TESC: variants seen among roughly 807,000 people sequenced by gnomAD.
TESC encodes calcineurin B homologous protein 3.
Under a neutral mutation model 31.0 loss-of-function variants are expected in TESC, and 19 were observed. That is an observed-to-expected ratio of 0.61 (90% CI 0.43 to 0.90). The LOEUF is 0.90. Ranked by LOEUF, TESC falls within the 40% of genes least tolerant of loss-of-function variation. The pLI, the probability that TESC is intolerant of heterozygous loss-of-function variation, is 0.00. For missense variants in TESC, 248 were observed against 303.8 expected (o/e 0.82, Z 1.36); for synonymous variants, 109 against 114.8 (o/e 0.95, Z 0.32).
At chr12:117,090,119 C>T (rs559092917) in intron 1 of TESC, among the ~76,000 whole-genome samples, 1 of 150,684 alleles carries the variant, frequency 6.6e-6, no homozygotes, top group South Asian at 2.1e-4. Context: ...TGCAAAATAA[C>T]AATATTTCCA....
intron 2 of TESC, among the ~76,000 whole-genome samples, chr12:117,066,200 C>CTTTTTTTTTTTTTTTTTTTTTTT (rs58829406): frequency 4.8e-5 from 3 of 62,964 alleles, no homozygotes; most frequent in African/African-American, 8.5e-5. Flanking sequence ...CTTCCTTTAG[C>CTTTTTTTTTTTTTTTTTTTTTTT]TTTTTTTTTT....
At chr12:117,072,761 A>G (rs1405080865) in intron 2 of TESC, among the ~76,000 whole-genome samples, 2 of 152,168 alleles carry the variant, frequency 1.3e-5, no homozygotes, top group Non-Finnish European at 2.9e-5. Flanking sequence ...GGTACCAAGC[A>G]CCTGGCGCAG....
chr12:117,076,743 C>T (rs1201147102), intron 1 of TESC, among the ~76,000 whole-genome samples: 2 of 152,174 alleles, frequency 1.3e-5, no homozygotes, highest in African/African-American at 2.4e-5. Context: ...CACGCCCGGC[C>T]GTTATCTCAG....
chr12:117,082,603 A>C (rs998336968), intron 1 of TESC, among the ~76,000 whole-genome samples: 1 of 152,180 alleles, frequency 6.6e-6, no homozygotes, highest in East Asian at 1.9e-4. Flanking sequence ...AGCCTTTATA[A>C]ATATTTTTTG....
intron 1 of TESC, among the ~76,000 whole-genome samples, chr12:117,098,838 C>CGA (rs1955431455): frequency 6.6e-6 from 1 of 152,148 alleles, no homozygotes; most frequent in Non-Finnish European, 1.5e-5. Flanking sequence ...TTTCCGCTCT[C>CGA]GCGCTCACGA....
chr12:117,042,462 G>A (rs1204420005), intron 6 of TESC, among the ~76,000 whole-genome samples: 1 of 152,172 alleles, frequency 6.6e-6, no homozygotes, highest in Non-Finnish European at 1.5e-5. Context: ...AAGATTCCAG[G>A]CTAATCTAAG....
intron 2 of TESC, among the ~76,000 whole-genome samples, chr12:117,069,395 C>A (rs150441279): frequency 6.6e-6 from 1 of 152,110 alleles, no homozygotes; most frequent in African/African-American, 2.4e-5. Context: ...CACACCACCA[C>A]GCCCAACTGA....
rs566528796 is a variant in TESC at position 117,047,290 on chromosome 12, G to A, written c.350-452C>T. ...TCCACAGTGCTTCTGATCTGGGCCC[G>A]ACTGATCTAACATGGGCAGCCCCAG... is the stretch of plus-strand genomic sequence containing the variant. On this transcript the variant is annotated intron_variant, in intron 4 of 7. Transcript: ENST00000335209. Among the ~76,000 whole-genome samples the A allele has an allele frequency of 5.3e-5, 8 of 152,340 alleles. No individual in the cohort carries two copies. In the South Asian group the frequency reaches 1.2e-3, roughly 24 times the overall value.
rs1954733357 is a variant in TESC, at chr12:117,056,851, A to G, written c.164T>C (p.Leu55Pro). 1 of 1,614,026 alleles carries G rather than the reference A, an allele frequency of 6.2e-7. No individual in the cohort carries two copies. Among genetic ancestry groups the G allele is most frequent in the Non-Finnish European group, 8.5e-7 (1 of 1,180,012 alleles). Reference protein sequence around the residue: ...ENFNNVPDLELNPIRSKIVRA... With the variant: ...ENFNNVPDLEPNPIRSKIVRA... ...AACAATTTTGGATCGGATGGGGTTG[A>G]GCTCCAGGTCCGGGACATTGTTGAA... The change falls in exon 3 of 8, where the codon CTC becomes CCC. Residue 55 changes from leucine (L) to proline (P), a missense_variant. Coordinates refer to ENST00000335209, the MANE Select transcript of TESC (RefSeq NM_017899.4).
At chr12:117,041,797 T>C (rs2135743700) in intron 7 of TESC, 150 bp downstream of exon 7, 1 of 675,824 alleles carries the variant, frequency 1.5e-6, no homozygotes, top group South Asian at 2.4e-5. Flanking sequence ...TTAAAGGCCA[T>C]GCCCAGGTTG....
At chr12:117,085,851 T>C (rs530872408) in intron 1 of TESC, among the ~76,000 whole-genome samples, 3 of 152,210 alleles carry the variant, frequency 2.0e-5, no homozygotes, top group African/African-American at 4.8e-5. Flanking sequence ...CCTTGTGAGG[T>C]TGTTCATGTC....
At position 117,075,298 on chromosome 12, in the gene TESC, T is replaced by C. The variant is rs964985742; in HGVS notation, c.101A>G (p.Gln34Arg). ...AATGGTAGGCTGATCTCCACTCAGC[T>C]GCTTAAATCTCCGATGGAGCTGCTC... ...QIEQLHRRFK[Q>R]LSGDQPTIRK... The change falls in exon 2 of 8, where the codon CAG becomes CGG. Residue 34 changes from glutamine to arginine, a missense_variant. Coordinates refer to ENST00000335209, the MANE Select transcript of TESC (RefSeq NM_017899.4). The C allele has an allele frequency of 7.4e-6, 12 of 1,612,194 alleles. No individual in the cohort carries two copies. In the African/African-American group the frequency reaches 1.3e-4, roughly 18 times the overall value.
intron 2 of TESC, among the ~76,000 whole-genome samples, chr12:117,059,385 A>G (rs1451135823): frequency 1.3e-5 from 2 of 152,160 alleles, no homozygotes; most frequent in Non-Finnish European, 2.9e-5. Flanking sequence ...GGGCTCACTC[A>G]TGGCCTCTGG....
intron 2 of TESC, among the ~76,000 whole-genome samples, chr12:117,061,020 C>G (rs7964668): frequency 0.43 from 65,202 of 152,060 alleles, 15,930 homozygotes; most frequent in African/African-American, 0.68. Flanking sequence ...TGGAATCACA[C>G]TTGGGCTCTA....
chr12:117,076,546 C>A (rs888417180), intron 1 of TESC, among the ~76,000 whole-genome samples: 1 of 152,128 alleles, frequency 6.6e-6, no homozygotes, highest in Non-Finnish European at 1.5e-5. Context: ...CGTGTTCCAG[C>A]GATTCTCGCG....
At chr12:117,075,950 C>CATATATATATATATATGTATATATACAT (rs1955067755) in intron 1 of TESC, among the ~76,000 whole-genome samples, 2 of 47,626 alleles carry the variant, frequency 4.2e-5, no homozygotes, top group African/African-American at 1.7e-4. Context: ...TGTATATATA[C>CATATATATATATATATGTATATATACAT]ATATATATAT....
chr12:117,077,883 A>G lies in TESC; in HGVS notation c.59-2543T>C, dbSNP rs147448488. On this transcript the variant is annotated intron_variant, in intron 1 of 7. Coordinates refer to ENST00000335209, the MANE Select transcript of TESC (RefSeq NM_017899.4). ...ACACTTTACATAGTCGTGTTCTCGGAAACCTCAAAGAGCTGTCTGTATGCT... is the reference window on the plus strand; with the variant it reads ...ACACTTTACATAGTCGTGTTCTCGGGAACCTCAAAGAGCTGTCTGTATGCT... 2.5e-4 allele frequency among the ~76,000 whole-genome samples: 38 copies of G among 152,290 alleles called. 1 individual carries two copies. The East Asian group carries it at 6.6e-3, about 26-fold the overall frequency.
chr12:117,075,915 G>A (rs7961524), intron 1 of TESC, among the ~76,000 whole-genome samples: 692 of 50,550 alleles, frequency 0.014, 28 homozygotes, highest in African/African-American at 0.06. Context: ...ATATATATAT[G>A]TGTGTGTGTA....
chr12:117,088,674 CTG>C (rs1473699732), intron 1 of TESC, among the ~76,000 whole-genome samples: 102 of 122,876 alleles, frequency 8.3e-4, no homozygotes, highest in African/African-American at 3.8e-3. Context: ...GAGTGAGACT[CTG>C]TCTCAAAAAA....
Sources: allele counts gnomAD v4.1 joint callset (sites outside exome capture counted in the v4.1 genomes callset), GRCh38; gene constraint gnomAD v4.1.1; transcripts MANE v1.5; gene names NCBI Gene and HGNC (gene_info 2026-07-23, HGNC 2026-07-21).